The following PACS1 variants were observed in gnomAD, a reference collection of about 807,000 sequenced individuals.
PACS1 encodes phosphofurin acidic cluster sorting protein 1.
In PACS1, 24 loss-of-function variants were observed where a neutral mutation model predicts 115.0. The observed-to-expected ratio is 0.21, with a 90% CI of 0.15 to 0.29. PACS1 has a LOEUF of 0.29. Among genes scored for constraint, PACS1 ranks in the 10% least tolerant of loss-of-function variants. The probability of loss-of-function intolerance (pLI) is 1.00; values close to 1 mark genes in which losing one functional copy is unlikely to be tolerated. For synonymous variants in PACS1, 453 were observed against 504.5 expected, an observed-to-expected ratio of 0.90 and a Z score of 1.37; for missense variants, 838 against 1,251.2, an observed-to-expected ratio of 0.67 and a Z score of 4.98.
chr11:66,088,677 T>C (rs1191633770), intron 1 of PACS1, among the ~76,000 whole-genome samples: 1 of 152,224 alleles, frequency 6.6e-6, no homozygotes, highest in Non-Finnish European at 1.5e-5. Context: ...TGTTACGTAG[T>C]GTGTCTTCCC....
intron 1 of PACS1, among the ~76,000 whole-genome samples, chr11:66,081,413 T>C (rs905986209): frequency 6.6e-6 from 1 of 152,000 alleles, no homozygotes; most frequent in South Asian, 2.1e-4. Flanking sequence ...TTCTCCGTCT[T>C]CCCTGCCCCC....
At chr11:66,177,816 G>A (rs1459137987) in intron 1 of PACS1, among the ~76,000 whole-genome samples, 2 of 152,064 alleles carry the variant, frequency 1.3e-5, no homozygotes, top group Non-Finnish European at 2.9e-5. Flanking sequence ...GTCTCACATT[G>A]CTGTCCAGGC....
chr11:66,114,371 T>C (rs1590753566), intron 1 of PACS1, among the ~76,000 whole-genome samples: 1 of 142,340 alleles, frequency 7.0e-6, no homozygotes, highest in African/African-American at 2.6e-5. Flanking sequence ...TGAGCTGAGA[T>C]CCCACCACTG....
At chr11:66,231,421 TG>T (rs1855591860) in intron 13 of PACS1, among the ~76,000 whole-genome samples, 1 of 151,902 alleles carries the variant, frequency 6.6e-6, no homozygotes, top group Non-Finnish European at 1.5e-5. Flanking sequence ...GACCCGAGAG[TG>T]GGCTGGAGAA....
intron 19 of PACS1, chr11:66,238,402 T>C (rs1855745502): frequency 1.1e-6 from 1 of 936,362 alleles, no homozygotes; most frequent in South Asian, 3.8e-5. Context: ...GCATGCCCCA[T>C]CTCATTGTTG....
intron 1 of PACS1, among the ~76,000 whole-genome samples, chr11:66,124,778 C>T (rs1858532091): frequency 6.6e-6 from 1 of 152,198 alleles, no homozygotes; most frequent in Non-Finnish European, 1.5e-5. Context: ...ATGACTTAAA[C>T]ACACAGATGT....
At position 66,211,236 on chromosome 11, in the gene PACS1, G is replaced by T; in HGVS notation, c.637G>T (p.Val213Leu). 11 of 1,613,624 alleles carry T rather than the reference G, an allele frequency of 6.8e-6. No individual in the cohort carries two copies. Among genetic ancestry groups the T allele is most frequent in the Non-Finnish European group, 9.3e-6 (11 of 1,179,642 alleles). The change falls in exon 4 of 24, where the codon GTG becomes TTG. Residue 213 changes from valine (V) to leucine (L), a missense_variant. Around this residue, in one of 6 missense-constraint regions of PACS1, gnomAD observed 223 missense variants for 354.0 expected, o/e 0.63. Transcript: ENST00000320580. The part of the protein sequence containing the change: ...RTILGYKTLA[V>L]GLINMAEVMQ... ...CATCTTGGGCTATAAGACCTTGGCC[G>T]TGGGACTCATCAACATGGCAGAGGT...
chr11:66,221,831 C>T (rs1266682632), intron 10 of PACS1, among the ~76,000 whole-genome samples: 1 of 152,070 alleles, frequency 6.6e-6, no homozygotes, highest in Non-Finnish European at 1.5e-5. Flanking sequence ...CAATCTCCCC[C>T]TCTGCTGGGC....
At chr11:66,127,371 G>T (rs1858604145) in intron 1 of PACS1, among the ~76,000 whole-genome samples, 1 of 152,188 alleles carries the variant, frequency 6.6e-6, no homozygotes, top group Admixed American at 6.5e-5. Flanking sequence ...TTGGGGAAGT[G>T]GAAAGGATCC....
intron 1 of PACS1, among the ~76,000 whole-genome samples, chr11:66,092,437 AGTAGGTTGCGAAAATTCTCTCCCATTTT>A (rs1857683577): frequency 6.6e-6 from 1 of 151,972 alleles, no homozygotes; most frequent in Non-Finnish European, 1.5e-5. Context: ...TTGTCAGATG[AGTAGGTTGCGAAAATTCTCTCCCATTTT>A]GTAGGTTGCC....
chr11:66,211,002 C>G, intron 3 of PACS1, 132 bp from the exon 4 acceptor site: 1 of 1,052,238 alleles, frequency 9.5e-7, no homozygotes. Flanking sequence ...CTTCATGGCT[C>G]TCCTTTCAAC....
intron 2 of PACS1, among the ~76,000 whole-genome samples, chr11:66,194,548 A>T (rs570871875): frequency 1.9e-4 from 29 of 152,268 alleles, no homozygotes; most frequent in African/African-American, 7.0e-4. Flanking sequence ...GAAACTAAAG[A>T]GTGGGTAATT....
intron 1 of PACS1, among the ~76,000 whole-genome samples, chr11:66,152,146 A>T (rs148983273): frequency 2.6e-3 from 396 of 152,226 alleles, no homozygotes; most frequent in African/African-American, 8.9e-3. Flanking sequence ...AGGTGGGAGG[A>T]TCGTTTGAGC....
intron 1 of PACS1, among the ~76,000 whole-genome samples, chr11:66,113,845 A>G (rs1858241973): frequency 6.6e-6 from 1 of 152,160 alleles, no homozygotes; most frequent in Admixed American, 6.5e-5. Context: ...AGAATCACCC[A>G]GTCCTTTCTT....
At chr11:66,216,336 C>T in intron 5 of PACS1, 73 bp downstream of exon 5, 1 of 1,574,392 alleles carries the variant, frequency 6.4e-7, no homozygotes, top group Non-Finnish European at 8.7e-7. Flanking sequence ...AAGACAGTGC[C>T]TGAGATGTTC....
chr11:66,240,281 G>A (rs1039339713), intron 21 of PACS1, among the ~76,000 whole-genome samples: 4 of 152,090 alleles, frequency 2.6e-5, no homozygotes, highest in African/African-American at 9.7e-5. Context: ...CTACAGTTTA[G>A]ATCAAGGGTC....
intron 1 of PACS1, among the ~76,000 whole-genome samples, chr11:66,169,252 G>A (rs1404959996): frequency 4.0e-5 from 6 of 150,652 alleles, no homozygotes; most frequent in Non-Finnish European, 2.9e-5. Flanking sequence ...ATAAATGGAT[G>A]TTGAGTTTTA....
At chr11:66,073,916 CT>C (rs34145797) in intron 1 of PACS1, among the ~76,000 whole-genome samples, 26,618 of 76,922 alleles carry the variant, frequency 0.35, 3,927 homozygotes, top group South Asian at 0.46. Context: ...TCACACCTGG[CT>C]TTTTTTTTTT....
At chr11:66,165,624 A>G (rs900239360) in intron 1 of PACS1, among the ~76,000 whole-genome samples, 8 of 152,148 alleles carry the variant, frequency 5.3e-5, no homozygotes, top group African/African-American at 1.9e-4. Flanking sequence ...CCTTTGTCTG[A>G]TTAAACAGCA....
Sources: allele counts gnomAD v4.1 joint callset (sites outside exome capture counted in the v4.1 genomes callset), GRCh38; gene constraint gnomAD v4.1.1; regional missense constraint gnomAD v4.1.1; transcripts MANE v1.5; gene names NCBI Gene and HGNC (gene_info 2026-07-23, HGNC 2026-07-21).